FRMPD1: variants seen among roughly 807,000 people sequenced by gnomAD.
FRMPD1 encodes FERM and PDZ domain-containing protein 1.
In FRMPD1, 76 loss-of-function variants were observed where a neutral mutation model predicts 117.8. That is an observed-to-expected ratio of 0.65 (90% CI 0.54 to 0.78). FRMPD1 has a LOEUF of 0.78. FRMPD1 is among the 30% of genes least tolerant of loss of function. FRMPD1 has a pLI of 0.00. For synonymous variants in FRMPD1, 783 were observed against 770.4 expected, an observed-to-expected ratio of 1.02 and a Z score of -0.27; for missense variants, 1,786 against 1,964.5, an observed-to-expected ratio of 0.91 and a Z score of 1.72.
At chr9:37,721,016 T>C (rs1208976681) in intron 6 of FRMPD1, among the ~76,000 whole-genome samples, 1 of 152,148 alleles carries the variant, frequency 6.6e-6, no homozygotes. Flanking sequence ...GTGGACAGGG[T>C]CACCTGGTTG....
rs553023657 is a variant in FRMPD1 at position 37,689,296 on chromosome 9, A to G, written c.-4-3342A>G. On this transcript the variant is annotated intron_variant, in intron 1 of 15. Coordinates refer to ENST00000377765, the MANE Select transcript of FRMPD1 (RefSeq NM_014907.3). ...TTTACATTATCATGACAATGTAAATATTGTTCATTGTTGAGCCAAGCAGTG... is the reference window on the plus strand; with the variant it reads ...TTTACATTATCATGACAATGTAAATGTTGTTCATTGTTGAGCCAAGCAGTG... Among the ~76,000 whole-genome samples, 81 of 152,222 alleles carry G rather than the reference A, an allele frequency of 5.3e-4. 2 individuals are homozygous for G. The highest frequency in any genetic ancestry group is 8.5e-4 in the Admixed American group (13 of 15,288).
intron 7 of FRMPD1, chr9:37,728,169 G>T (rs2118350261): frequency 6.6e-6 from 1 of 152,318 alleles, no homozygotes; most frequent in East Asian, 1.9e-4. Context: ...TATGAGATAG[G>T]TGTTAATATT....
At chr9:37,658,841 C>T (rs1273969886) in intron 1 of FRMPD1, among the ~76,000 whole-genome samples, 1 of 151,984 alleles carries the variant, frequency 6.6e-6, no homozygotes, top group African/African-American at 2.4e-5. Flanking sequence ...TTTACAGGTT[C>T]CTGGGATTGG....
upstream of FRMPD1, among the ~76,000 whole-genome samples, chr9:37,646,690 TGAA>T (rs574482891): frequency 1.8e-3 from 268 of 151,742 alleles, 1 homozygote; most frequent in African/African-American, 6.0e-3. Context: ...TTGATCATTC[TGAA>T]GAAGAACAGA....
intron 1 of FRMPD1, among the ~76,000 whole-genome samples, chr9:37,691,847 CTG>C (rs1822149677): frequency 6.6e-6 from 1 of 152,160 alleles, no homozygotes; most frequent in Admixed American, 6.5e-5. Flanking sequence ...GTGGAGGTTG[CTG>C]TGAGCCAAGA....
chr9:37,687,996 T>C (rs1822006545), intron 1 of FRMPD1, among the ~76,000 whole-genome samples: 1 of 152,102 alleles, frequency 6.6e-6, no homozygotes, highest in African/African-American at 2.4e-5. Context: ...AGGTCTCTAT[T>C]AATTCAGGAC....
At chr9:37,732,252 G>A in intron 9 of FRMPD1, 52 bp from the exon 10 acceptor site, 2 of 1,597,348 alleles carry the variant, frequency 1.3e-6, no homozygotes, top group Non-Finnish European at 1.7e-6. Flanking sequence ...AGAACGAGGG[G>A]ACACAGTATG....
chr9:37,677,051 G>C (rs1821555025), intron 1 of FRMPD1, among the ~76,000 whole-genome samples: 1 of 152,172 alleles, frequency 6.6e-6, no homozygotes, highest in Non-Finnish European at 1.5e-5. Flanking sequence ...ATTTGAGATG[G>C]CTGCAGACCT....
intron 2 of FRMPD1, among the ~76,000 whole-genome samples, chr9:37,703,013 C>A (rs1056432069): frequency 2.0e-5 from 3 of 152,090 alleles, no homozygotes; most frequent in Non-Finnish European, 1.5e-5. Flanking sequence ...ATACTCTGTT[C>A]TAGAACTTTA....
Position 37,696,076 on chromosome 9 carries a change from A to G in FRMPD1, c.101+3334A>G, listed in dbSNP as rs913213416. On this transcript the variant is annotated intron_variant, in intron 2 of 15. Transcript: ENST00000377765. The stretch of plus-strand genomic sequence containing the variant: ...CTTTTTTTTTTTTTTTTTTTTTTTT[A>G]ATATCTAGAAGTCATCGAGCTCTTT... 9.2e-4 allele frequency among the ~76,000 whole-genome samples: 28 copies of G among 30,410 alleles called. 1 individual carries two copies. The highest frequency in any genetic ancestry group is 2.9e-4 in the Non-Finnish European group (4 of 13,736). The allele number at this position is 30,410 out of a possible 152,430, so 20.0% of individuals were successfully genotyped here. A position where few individuals can be genotyped will look rare whatever the true frequency, so the allele number is the denominator to read the frequency against.
intron 2 of FRMPD1, among the ~76,000 whole-genome samples, chr9:37,696,640 G>A (rs1055801462): frequency 6.6e-6 from 1 of 152,194 alleles, no homozygotes; most frequent in Non-Finnish European, 1.5e-5. Flanking sequence ...TGAGACTAAG[G>A]ATTTAGCATT....
chr9:37,612,236 A>G, the FRMPD1 span, among the ~76,000 whole-genome samples: 1 of 152,148 alleles, frequency 6.6e-6, no homozygotes, highest in South Asian at 2.1e-4. Context: ...CTGCTTGCAC[A>G]GTGGCTCTCT....
intron 1 of FRMPD1, among the ~76,000 whole-genome samples, chr9:37,655,665 G>A (rs1820820498): frequency 6.6e-6 from 1 of 151,702 alleles, no homozygotes; most frequent in Admixed American, 6.6e-5. Flanking sequence ...CACCATGCCC[G>A]GCTAATTTTT....
At chr9:37,661,069 G>C (rs1218007028) in intron 1 of FRMPD1, among the ~76,000 whole-genome samples, 4 of 152,194 alleles carry the variant, frequency 2.6e-5, no homozygotes, top group Non-Finnish European at 5.9e-5. Context: ...TAGAGACTTG[G>C]AGGGGTGGTG....
intron 1 of FRMPD1, among the ~76,000 whole-genome samples, chr9:37,652,884 C>T (rs1820721270): frequency 6.6e-6 from 1 of 152,114 alleles, no homozygotes; most frequent in Non-Finnish European, 1.5e-5. Flanking sequence ...TTCCTGTGAA[C>T]ACTAAGGAGG....
rs1194506386 is a variant in FRMPD1 at position 37,680,170 on chromosome 9, C to T, written c.-4-12468C>T. Among the ~76,000 whole-genome samples the T allele has an allele frequency of 3.9e-5, 6 of 152,214 alleles. No homozygotes were observed. The South Asian group carries it at 1.0e-3, about 26-fold the overall frequency. On this transcript the variant is annotated intron_variant, in intron 1 of 15. Transcript: ENST00000377765. ...TGCCACCCTGTAGCTCTCGAAGGGC[C>T]ATGCAGAGACCATCTGTACTGAGCT... is the stretch of plus-strand genomic sequence containing the variant.
chr9:37,622,780 T>C, the FRMPD1 span, among the ~76,000 whole-genome samples: 20,823 of 152,132 alleles, frequency 0.14, 1,906 homozygotes, highest in Admixed American at 0.2. Flanking sequence ...TTAAACAAAA[T>C]TGGATGCAAG....
At chr9:37,683,630 C>G in intron 1 of FRMPD1, among the ~76,000 whole-genome samples, 1 of 152,054 alleles carries the variant, frequency 6.6e-6, no homozygotes, top group East Asian at 1.9e-4. Flanking sequence ...TTGGGGGGAA[C>G]AACAGGTAAT....
At chr9:37,626,622 G>GAAAGAAAAAAAAAAAAAAAAAAAAA in the FRMPD1 span, among the ~76,000 whole-genome samples, 2 of 48,650 alleles carry the variant, frequency 4.1e-5, no homozygotes, top group Non-Finnish European at 7.8e-5. Context: ...CCTGGTATCT[G>GAAAGAAAAAAAAAAAAAAAAAAAAA]AAAAAAAAAA....
Sources: gnomAD v4.1 joint callset for allele counts (sites outside exome capture counted in the v4.1 genomes callset) on GRCh38, gnomAD v4.1.1 for gene constraint, MANE v1.5 for transcripts, NCBI Gene and HGNC (gene_info 2026-07-23, HGNC 2026-07-21) for gene names.